SMYD3: variants seen among roughly 807,000 people sequenced by gnomAD.
SMYD3 encodes the protein histone-lysine N-methyltransferase SMYD3.
A neutral mutation model predicts 57.7 loss-of-function variants in SMYD3; 36 were observed. The observed-to-expected ratio is 0.62, with a 90% CI of 0.48 to 0.82. SMYD3 has a LOEUF of 0.82. Ranked by LOEUF, SMYD3 falls within the 40% of genes least tolerant of loss-of-function variation. SMYD3 has a pLI of 0.00. For missense variants in SMYD3, 515 were observed against 538.8 expected, an observed-to-expected ratio of 0.96 and a Z score of 0.44; for synonymous variants, 211 against 195.0, an observed-to-expected ratio of 1.08 and a Z score of -0.68.
At chr1:245,860,889 CTTATT>C (rs2051508272) in intron 9 of SMYD3, among the ~76,000 whole-genome samples, 1 of 152,188 alleles carries the variant, frequency 6.6e-6, no homozygotes, top group African/African-American at 2.4e-5. Context: ...AGACTTGTAC[CTTATT>C]TTAACATTGT....
At chr1:246,454,512 T>G (rs1335851048) in intron 1 of SMYD3, among the ~76,000 whole-genome samples, 1 of 152,308 alleles carries the variant, frequency 6.6e-6, no homozygotes, top group African/African-American at 2.4e-5. Context: ...TCAATCAGAA[T>G]AGAATTTTAT....
chr1:245,814,009 A>T (rs549283007), intron 10 of SMYD3, among the ~76,000 whole-genome samples: 1 of 151,936 alleles, frequency 6.6e-6, no homozygotes, highest in East Asian at 1.9e-4. Context: ...TTTTTAAATG[A>T]CAGCAAAATT....
At chr1:246,029,983 C>A (rs2059642363) in intron 5 of SMYD3, among the ~76,000 whole-genome samples, 1 of 149,804 alleles carries the variant, frequency 6.7e-6, no homozygotes, top group South Asian at 2.1e-4. Flanking sequence ...GCAATCCCAG[C>A]ACTGGGTTTC....
At chr1:246,088,574 C>T (rs2060767066) in intron 5 of SMYD3, among the ~76,000 whole-genome samples, 1 of 127,410 alleles carries the variant, frequency 7.8e-6, no homozygotes. Context: ...CATGCCACTG[C>T]ACTCCAGCCT....
At chr1:246,412,984 G>T (rs1273113694) in intron 1 of SMYD3, among the ~76,000 whole-genome samples, 1 of 152,118 alleles carries the variant, frequency 6.6e-6, no homozygotes. Flanking sequence ...TAATTTATAG[G>T]TTGAAGAAAT....
At chr1:246,136,913 C>A (rs907424101) in intron 5 of SMYD3, among the ~76,000 whole-genome samples, 2 of 152,184 alleles carry the variant, frequency 1.3e-5, no homozygotes, top group Admixed American at 1.3e-4. Context: ...ACAGACCTAA[C>A]TAAAAGCAAT....
chr1:246,016,566 A>G (rs372360936), intron 5 of SMYD3, among the ~76,000 whole-genome samples: 17 of 152,032 alleles, frequency 1.1e-4, no homozygotes, highest in African/African-American at 3.6e-4. Flanking sequence ...CTGGGTGACA[A>G]TAGCAAAATT....
chr1:245,758,909 G>A (rs1287463935), intron 11 of SMYD3, among the ~76,000 whole-genome samples: 1 of 152,094 alleles, frequency 6.6e-6, no homozygotes, highest in Admixed American at 6.5e-5. Context: ...TGAGTATTCT[G>A]TTATGAGACT....
chr1:245,924,607 C>T (rs1038416567), intron 7 of SMYD3, among the ~76,000 whole-genome samples: 15 of 151,204 alleles, frequency 9.9e-5, no homozygotes, highest in African/African-American at 3.4e-4. Context: ...CCATGGGACA[C>T]CACTGAGGAC....
At chr1:246,442,313 T>C (rs1301661041) in intron 1 of SMYD3, among the ~76,000 whole-genome samples, 1 of 152,152 alleles carries the variant, frequency 6.6e-6, no homozygotes, top group Non-Finnish European at 1.5e-5. Flanking sequence ...TCCCAGCACT[T>C]TGGGAGGCCG....
At chr1:246,450,118 T>C (rs1435449293) in intron 1 of SMYD3, among the ~76,000 whole-genome samples, 2 of 152,070 alleles carry the variant, frequency 1.3e-5, no homozygotes, top group African/African-American at 4.8e-5. Flanking sequence ...AGCAACCCCA[T>C]CTCTGCTAAA....
At chr1:246,100,184 CTGG>C (rs1159933547) in intron 5 of SMYD3, among the ~76,000 whole-genome samples, 1 of 152,072 alleles carries the variant, frequency 6.6e-6, no homozygotes, top group Non-Finnish European at 1.5e-5. Flanking sequence ...GCACTCTAGC[CTGG>C]TGACAGAGCA....
rs6605253 is a variant in SMYD3, at chr1:245,813,054, G to C, written c.1076+45442C>G. 3.0e-5 allele frequency among the ~76,000 whole-genome samples: 4 copies of C among 133,042 alleles called. No individual in the cohort carries two copies. The Admixed American group carries it at 3.2e-4, about 11-fold the overall frequency. The allele number at this position is 133,042 out of a possible 152,430, so 87.3% of individuals were successfully genotyped here. On this transcript the variant is annotated intron_variant, in intron 10 of 11. Transcript: ENST00000490107. ...TTTTGAGACGGAGTCTCGCTCTGTT[G>C]CCCAGGCTGGAGTGCAGTGGCGCGA...
chr1:246,492,537 A>G (rs1033847543), intron 1 of SMYD3, among the ~76,000 whole-genome samples: 5 of 152,248 alleles, frequency 3.3e-5, no homozygotes, highest in African/African-American at 1.2e-4. Context: ...AGACACAGCA[A>G]GAGTCATTTA....
intron 1 of SMYD3, among the ~76,000 whole-genome samples, chr1:246,499,679 C>T (rs548210843): frequency 6.6e-6 from 1 of 152,248 alleles, no homozygotes; most frequent in Non-Finnish European, 1.5e-5. Context: ...TGGTCTCAAA[C>T]TCCTGGGCTC....
chr1:246,040,212 A>T (rs933382861), intron 5 of SMYD3, among the ~76,000 whole-genome samples: 1 of 152,176 alleles, frequency 6.6e-6, no homozygotes, highest in Non-Finnish European at 1.5e-5. Flanking sequence ...TACAACCGGG[A>T]TATTAATAAC....
intron 5 of SMYD3, among the ~76,000 whole-genome samples, chr1:246,315,514 C>T (rs1217619757): frequency 6.6e-6 from 1 of 152,156 alleles, no homozygotes; most frequent in Admixed American, 6.5e-5. Flanking sequence ...GTTTACATAT[C>T]ATCTAGGCCT....
At chr1:245,844,565 G>T (rs984217300) in intron 10 of SMYD3, among the ~76,000 whole-genome samples, 1 of 150,502 alleles carries the variant, frequency 6.6e-6, no homozygotes, top group Non-Finnish European at 1.5e-5. Context: ...TCAGGATCCG[G>T]TTTTCCTCTT....
intron 10 of SMYD3, among the ~76,000 whole-genome samples, chr1:245,765,078 A>AAAAAAAAAAAAAAAAAC (rs1553315999): frequency 2.2e-5 from 3 of 139,534 alleles, no homozygotes; most frequent in Admixed American, 1.5e-4. Context: ...ACACACACAC[A>AAAAAAAAAAAAAAAAAC]AAACCACAGT....
Sources: allele counts gnomAD v4.1 joint callset (sites outside exome capture counted in the v4.1 genomes callset), GRCh38; gene constraint gnomAD v4.1.1; transcripts MANE v1.5; gene names NCBI Gene and HGNC (gene_info 2026-07-23, HGNC 2026-07-21).